The following ITPRID1 variants were observed in gnomAD, a reference collection of about 807,000 sequenced individuals.
The protein encoded by ITPRID1 is protein ITPRID1.
Under a neutral mutation model 95.4 loss-of-function variants are expected in ITPRID1, and 96 were observed. That is an observed-to-expected ratio of 1.01 (90% CI 0.85 to 1.19). ITPRID1 has a LOEUF of 1.19. ITPRID1 is among the 50% of genes most tolerant of loss of function. ITPRID1 has a pLI of 0.00. For synonymous variants in ITPRID1, 510 were observed against 453.6 expected, an observed-to-expected ratio of 1.12 and a Z score of -1.58; for missense variants, 1,339 against 1,252.9, an observed-to-expected ratio of 1.07 and a Z score of -1.04.
At chr7:31,601,315 T>C (rs544671597) in intron 10 of ITPRID1, among the ~76,000 whole-genome samples, 20 of 152,200 alleles carry the variant, frequency 1.3e-4, no homozygotes, top group Non-Finnish European at 2.6e-4. Context: ...TTTACACATA[T>C]TAATTCATGG....
rs1245910075 is a variant in ITPRID1, at chr7:31,655,064, T to C, written c.*2235T>C. On this transcript the variant is annotated 3_prime_UTR_variant, in exon 15 of 15. Transcript: ENST00000615280. The stretch of plus-strand genomic sequence containing the variant: ...AGTATACACACACACTCTCCAAGCA[T>C]CTATGACCCTGATTCCCAGCTCTCT... Among the ~76,000 whole-genome samples the C allele has an allele frequency of 6.6e-6, 1 of 152,150 alleles. No individual in the cohort carries two copies. Among genetic ancestry groups the C allele is most frequent in the African/African-American group, 2.4e-5 (1 of 41,434 alleles).
chr7:31,516,126 G>C (rs1195819324), intron 1 of ITPRID1, among the ~76,000 whole-genome samples: 1 of 152,154 alleles, frequency 6.6e-6, no homozygotes, highest in African/African-American at 2.4e-5. Context: ...GAATCACAGA[G>C]ACACATAGGA....
rs1784913143 is a variant in ITPRID1 at position 31,569,632 on chromosome 7, G to A, written c.257-126G>A. 4.2e-6 allele frequency: 3 copies of A among 715,876 alleles called. No individual in the cohort carries two copies. In the East Asian group the frequency reaches 8.2e-5, roughly 20 times the overall value. The allele number at this position is 715,876 out of a possible 1,614,324, so 44.3% of individuals were successfully genotyped here. A position where few individuals can be genotyped will look rare whatever the true frequency, so the allele number is the denominator to read the frequency against. The stretch of plus-strand genomic sequence containing the variant: ...TGTCTATTCACTGCAGTGATGCCTT[G>A]TATTTCATGCCTATATAACCTTGGA... On this transcript the variant is annotated intron_variant, in intron 5 of 14. Coordinates refer to ENST00000615280, the MANE Select transcript of ITPRID1 (RefSeq NM_001257967.3).
At chr7:31,628,570 G>C (rs1310699799) in intron 10 of ITPRID1, among the ~76,000 whole-genome samples, 2 of 151,056 alleles carry the variant, frequency 1.3e-5, no homozygotes, top group Non-Finnish European at 2.9e-5. Context: ...CCATTCTCCT[G>C]CCTCAGCCTC....
At chr7:31,641,601 T>C (rs1790024020) in intron 10 of ITPRID1, among the ~76,000 whole-genome samples, 1 of 152,208 alleles carries the variant, frequency 6.6e-6, no homozygotes, top group Non-Finnish European at 1.5e-5. Flanking sequence ...TCATGGATGC[T>C]CCTGTTTACA....
intron 10 of ITPRID1, among the ~76,000 whole-genome samples, chr7:31,596,946 GT>G (rs1786114533): frequency 6.6e-6 from 1 of 151,760 alleles, no homozygotes; most frequent in South Asian, 2.1e-4. Context: ...CAAGAACCAT[GT>G]TTTTTCATAA....
intron 7 of ITPRID1, among the ~76,000 whole-genome samples, chr7:31,572,652 G>C (rs1383779639): frequency 1.3e-5 from 2 of 152,168 alleles, no homozygotes; most frequent in Non-Finnish European, 2.9e-5. Context: ...GTCAGGATTG[G>C]TGGGGGTAAT....
intron 9 of ITPRID1, among the ~76,000 whole-genome samples, chr7:31,581,913 G>GA (rs200262814): frequency 0.022 from 3,360 of 150,070 alleles, 108 homozygotes; most frequent in African/African-American, 0.073. Flanking sequence ...TAACTGATTT[G>GA]AAAAAAAAAG....
At chr7:31,632,537 C>T (rs1354971547) in intron 10 of ITPRID1, among the ~76,000 whole-genome samples, 8 of 152,182 alleles carry the variant, frequency 5.3e-5, no homozygotes, top group Admixed American at 4.6e-4. Context: ...AGGATATAAA[C>T]TAAACCATTC....
intron 6 of ITPRID1, among the ~76,000 whole-genome samples, chr7:31,571,752 G>A (rs1784996996): frequency 6.6e-6 from 1 of 152,186 alleles, no homozygotes; most frequent in Non-Finnish European, 1.5e-5. Context: ...ACTTCTTTCA[G>A]CATATAATTT....
At chr7:31,592,914 C>T (rs538829310) in intron 10 of ITPRID1, among the ~76,000 whole-genome samples, 6 of 152,212 alleles carry the variant, frequency 3.9e-5, no homozygotes, top group African/African-American at 1.2e-4. Context: ...AAAAACTAAT[C>T]GGAGTTATAA....
intron 1 of ITPRID1, among the ~76,000 whole-genome samples, chr7:31,546,327 T>A (rs1296818892): frequency 1.3e-5 from 2 of 152,220 alleles, no homozygotes; most frequent in East Asian, 3.9e-4. Flanking sequence ...CCAATAATTT[T>A]TGTAAAAATG....
At position 31,629,290 on chromosome 7, in the gene ITPRID1, TATATAGATTC is replaced by T. The variant is rs1052759307; in HGVS notation, c.1229-12880_1229-12871del. 3.4e-3 allele frequency among the ~76,000 whole-genome samples: 5 copies of T among 1,478 alleles called. No individual in the cohort carries two copies. The Admixed American group carries it at 0.06, about 18-fold the overall frequency. The allele number at this position is 1,478 out of a possible 152,430, so 1.0% of individuals were successfully genotyped here. The stretch of plus-strand genomic sequence containing the variant: ...ATGTGTGTTTAAACAACACAATCTT[TATATAGATTC>T]ATATAAATGTTCTGTTTCAGAAATA... On this transcript the variant is annotated intron_variant, in intron 10 of 14. Transcript: ENST00000615280.
intron 5 of ITPRID1, among the ~76,000 whole-genome samples, chr7:31,563,867 T>C (rs1784706525): frequency 6.6e-6 from 1 of 152,190 alleles, no homozygotes; most frequent in Admixed American, 6.5e-5. Flanking sequence ...TGAGCATGAA[T>C]GTCAGCAGAG....
At chr7:31,538,947 C>A (rs1783845716) in intron 1 of ITPRID1, among the ~76,000 whole-genome samples, 1 of 152,172 alleles carries the variant, frequency 6.6e-6, no homozygotes, top group Non-Finnish European at 1.5e-5. Context: ...TTATTTACTA[C>A]TATGATGCAG....
At chr7:31,570,205 G>A (rs573090458) in intron 6 of ITPRID1, among the ~76,000 whole-genome samples, 2 of 152,204 alleles carry the variant, frequency 1.3e-5, no homozygotes, top group East Asian at 3.9e-4. Context: ...CCAATGCTAG[G>A]TAGAAAGCAG....
chr7:31,570,426 T>C (rs114707180), intron 6 of ITPRID1, among the ~76,000 whole-genome samples: 2 of 152,332 alleles, frequency 1.3e-5, no homozygotes, highest in Admixed American at 1.3e-4. Context: ...TAAAAACCAC[T>C]GGAATAGACT....
At chr7:31,579,368 T>A (rs1162254962) in intron 9 of ITPRID1, among the ~76,000 whole-genome samples, 1 of 152,154 alleles carries the variant, frequency 6.6e-6, no homozygotes, top group Admixed American at 6.6e-5. Context: ...GGCAGGATAT[T>A]TACATGCAAA....
intron 10 of ITPRID1, among the ~76,000 whole-genome samples, chr7:31,639,096 G>A (rs946352101): frequency 3.3e-5 from 5 of 152,086 alleles, no homozygotes; most frequent in Non-Finnish European, 5.9e-5. Flanking sequence ...ATTTTCATGT[G>A]CCTTGGTGTA....
Sources: gnomAD v4.1 joint callset for allele counts (sites outside exome capture counted in the v4.1 genomes callset) on GRCh38, gnomAD v4.1.1 for gene constraint, MANE v1.5 for transcripts, NCBI Gene and HGNC (gene_info 2026-07-23, HGNC 2026-07-21) for gene names.